COL8A1: variants seen among roughly 807,000 people sequenced by gnomAD.
The protein encoded by COL8A1 is collagen type VIII alpha 1 chain, also known as collagen alpha-1(VIII) chain.
In COL8A1, 21 loss-of-function variants were observed where a neutral mutation model predicts 42.7. The ratio of observed to expected loss-of-function variants is 0.49; its 90% CI spans 0.35 to 0.71. The LOEUF (loss-of-function observed/expected upper bound fraction) is 0.71. Among genes scored for constraint, COL8A1 ranks in the 30% least tolerant of loss-of-function variants. The probability of loss-of-function intolerance (pLI) is 0.01; values close to 1 mark genes in which losing one functional copy is unlikely to be tolerated. For missense variants in COL8A1, 788 were observed against 962.4 expected (o/e 0.82, Z 2.40); for synonymous variants, 367 against 369.1 (o/e 0.99, Z 0.06).
intron 3 of COL8A1, among the ~76,000 whole-genome samples, chr3:99,793,386 T>A (rs1942038934): frequency 6.6e-6 from 1 of 152,082 alleles, no homozygotes; most frequent in African/African-American, 2.4e-5. Context: ...TTGTACCCCA[T>A]AAATAAAATA....
chr3:99,678,917 C>T (rs78268691), intron 1 of COL8A1: 1 of 152,074 alleles, frequency 6.6e-6, no homozygotes, highest in African/African-American at 2.4e-5. Flanking sequence ...ATTTTTCTTT[C>T]TTGCACTAGA....
chr3:99,704,582 A>T (rs1939627888), intron 1 of COL8A1, among the ~76,000 whole-genome samples: 1 of 152,228 alleles, frequency 6.6e-6, no homozygotes, highest in Admixed American at 6.5e-5. Flanking sequence ...ACAGAGCAGC[A>T]GCCCCTGCTC....
At chr3:99,775,724 C>T (rs1941681774) in intron 2 of COL8A1, among the ~76,000 whole-genome samples, 1 of 152,186 alleles carries the variant, frequency 6.6e-6, no homozygotes, top group Admixed American at 6.5e-5. Context: ...ACCTATACCT[C>T]CCAGACTGTC....
chr3:99,707,500 G>A (rs1323533181), intron 1 of COL8A1, among the ~76,000 whole-genome samples: 3 of 152,122 alleles, frequency 2.0e-5, no homozygotes, highest in African/African-American at 7.2e-5. Flanking sequence ...CATCACTCCC[G>A]AGGGAGTGCA....
intron 1 of COL8A1, among the ~76,000 whole-genome samples, chr3:99,650,004 G>A (rs892361996): frequency 6.6e-6 from 1 of 151,244 alleles, no homozygotes; most frequent in Non-Finnish European, 1.5e-5. Flanking sequence ...ATTATGAAAT[G>A]TAGAACAAAC....
chr3:99,789,112 G>T (rs911810345), intron 2 of COL8A1, among the ~76,000 whole-genome samples: 2 of 152,228 alleles, frequency 1.3e-5, no homozygotes, highest in African/African-American at 4.8e-5. Flanking sequence ...TGAATTTTGT[G>T]ATAGGGATTC....
intron 3 of COL8A1, among the ~76,000 whole-genome samples, chr3:99,792,409 A>G (rs1202752252): frequency 6.6e-6 from 1 of 152,216 alleles, no homozygotes; most frequent in East Asian, 1.9e-4. Context: ...CCAAGAAGAT[A>G]TTGGGACCAT....
chr3:99,758,479 G>T (rs1199612889), intron 2 of COL8A1, among the ~76,000 whole-genome samples: 1 of 152,102 alleles, frequency 6.6e-6, no homozygotes, highest in African/African-American at 2.4e-5. Flanking sequence ...GGTGTTCTTT[G>T]CAGTGCGGGC....
At chr3:99,639,824 CA>C (rs1218781557) in intron 1 of COL8A1, among the ~76,000 whole-genome samples, 1 of 152,106 alleles carries the variant, frequency 6.6e-6, no homozygotes, top group African/African-American at 2.4e-5. Context: ...GAAGGCAAAC[CA>C]AAAGTACCAG....
chr3:99,771,600 A>G (rs1193921993), intron 2 of COL8A1, among the ~76,000 whole-genome samples: 1 of 152,220 alleles, frequency 6.6e-6, no homozygotes, highest in Non-Finnish European at 1.5e-5. Context: ...CAAAACAGTC[A>G]TGGTTGAGCG....
intron 1 of COL8A1, among the ~76,000 whole-genome samples, chr3:99,690,230 T>G (rs547546748): frequency 6.6e-6 from 1 of 152,334 alleles, no homozygotes; most frequent in Admixed American, 6.5e-5. Flanking sequence ...AAAGTTAAAA[T>G]GACATTATAA....
intron 2 of COL8A1, among the ~76,000 whole-genome samples, chr3:99,769,897 C>T (rs1202726753): frequency 6.6e-6 from 1 of 151,966 alleles, no homozygotes; most frequent in African/African-American, 2.4e-5. Context: ...CCAGCCTGGG[C>T]AACAGAGTTA....
In COL8A1 at chr3:99,725,988, A is replaced by G. The variant is rs139214643; in HGVS notation, c.-128-18909A>G. On this transcript the variant is annotated intron_variant, in intron 1 of 3. Transcript: ENST00000652472. Reference sequence around the variant, plus strand: ...ATTTCTAGATCCTTGAGGAATCGCCACACTAACTTCCACAGTTGTTGAACT... The same window carrying G: ...ATTTCTAGATCCTTGAGGAATCGCCGCACTAACTTCCACAGTTGTTGAACT... Among the ~76,000 whole-genome samples the G allele has an allele frequency of 9.7e-4, 147 of 152,308 alleles. 1 individual carries two copies. The highest frequency in any genetic ancestry group is 3.4e-3 in the African/African-American group (140 of 41,572).
In COL8A1 at chr3:99,734,163, A is replaced by G. The variant is rs1173287772; in HGVS notation, c.-128-10734A>G. On this transcript the variant is annotated intron_variant, in intron 1 of 3. Transcript: ENST00000652472. The stretch of plus-strand genomic sequence containing the variant: ...AAGCTCTTTAGTTTAATTAGATCCC[A>G]TTTGTCAATTTTGTCTTTTGTTGCC... 7.3e-5 allele frequency among the ~76,000 whole-genome samples: 11 copies of G among 149,958 alleles called. No homozygotes were observed. The East Asian group carries it at 2.1e-3, about 29-fold the overall frequency.
chr3:99,697,745 T>C (rs1039670227), intron 1 of COL8A1, among the ~76,000 whole-genome samples: 6 of 152,246 alleles, frequency 3.9e-5, no homozygotes, highest in Non-Finnish European at 8.8e-5. Context: ...TTGGAAAAAT[T>C]TGTGGATACA....
chr3:99,639,146 A>T (rs1331454752), intron 1 of COL8A1, among the ~76,000 whole-genome samples: 1 of 152,224 alleles, frequency 6.6e-6, no homozygotes, highest in Non-Finnish European at 1.5e-5. Context: ...CCTTTAAAAA[A>T]ATATCTTTCC....
chr3:99,681,131 T>C (rs1362013159), intron 1 of COL8A1, among the ~76,000 whole-genome samples: 1 of 152,142 alleles, frequency 6.6e-6, no homozygotes, highest in Non-Finnish European at 1.5e-5. Context: ...AAGCCAAAAT[T>C]GACAAATGAG....
At chr3:99,652,083 G>T (rs1937864990) in intron 1 of COL8A1, among the ~76,000 whole-genome samples, 1 of 152,028 alleles carries the variant, frequency 6.6e-6, no homozygotes, top group Non-Finnish European at 1.5e-5. Flanking sequence ...AGCCATAAAA[G>T]AATCACCATG....
chr3:99,669,146 T>TATATATATATATAGAGAG, intron 1 of COL8A1, among the ~76,000 whole-genome samples: 3 of 115,392 alleles, frequency 2.6e-5, no homozygotes, highest in East Asian at 3.1e-4. Flanking sequence ...TATATATATA[T>TATATATATATATAGAGAG]AGAGGGAGAG....
Sources: gnomAD v4.1 joint callset for allele counts (sites outside exome capture counted in the v4.1 genomes callset) on GRCh38, gnomAD v4.1.1 for gene constraint, MANE v1.5 for transcripts, NCBI Gene and HGNC (gene_info 2026-07-23, HGNC 2026-07-21) for gene names.